Variants in AP3M1 observed in about 807,000 individuals in gnomAD.
The protein encoded by AP3M1 is AP-3 complex subunit mu-1.
In AP3M1, 29 loss-of-function variants were observed where a neutral mutation model predicts 42.6. The observed-to-expected ratio is 0.68, with a 90% CI of 0.51 to 0.93. AP3M1 has a LOEUF of 0.93. Among genes scored for constraint, AP3M1 ranks in the 40% least tolerant of loss-of-function variants. The probability of loss-of-function intolerance (pLI) is 0.00; values close to 1 mark genes in which losing one functional copy is unlikely to be tolerated. For missense variants in AP3M1, 416 were observed against 510.2 expected, an observed-to-expected ratio of 0.82 and a Z score of 1.78; for synonymous variants, 178 against 175.3, an observed-to-expected ratio of 1.02 and a Z score of -0.12.
chr10:74,120,916 T>C lies in AP3M1; in HGVS notation c.*2894A>G, dbSNP rs1840431838. On this transcript the variant is annotated 3_prime_UTR_variant, in exon 9 of 9. Transcript: ENST00000355264. ...AAAACAGAGTTAGCTTTTGGGGACA[T>C]AGTCCTCTTCTTCCTTAAAGAAACA... 6.6e-6 allele frequency: 1 copy of C among 152,228 alleles called. No homozygotes were observed. The highest frequency in any genetic ancestry group is 2.4e-5 in the African/African-American group (1 of 41,454). The allele number at this position is 152,228 out of a possible 1,614,324, so 9.4% of individuals were successfully genotyped here. A position where few individuals can be genotyped will look rare whatever the true frequency, so the allele number is the denominator to read the frequency against.
intron 1 of AP3M1, among the ~76,000 whole-genome samples, chr10:74,139,777 C>T (rs989380203): frequency 6.6e-5 from 10 of 151,984 alleles, no homozygotes; most frequent in Admixed American, 2.0e-4. Context: ...CGTGGTGGCA[C>T]GCACCTGTAG....
At chr10:74,139,977 C>T (rs1039067124) in intron 1 of AP3M1, among the ~76,000 whole-genome samples, 5 of 151,102 alleles carry the variant, frequency 3.3e-5, no homozygotes, top group Admixed American at 2.0e-4. Flanking sequence ...ATCCTAAATT[C>T]ATAAGGAATT....
rs1310977924 is a variant in AP3M1 at position 74,122,236 on chromosome 10, A to G, written c.*1574T>C. ...AAGGCAGGGCAGGCAAAGGTAAGAA[A>G]ACTGCTGAGTGGGCTCCTTGTACCA... On this transcript the variant is annotated 3_prime_UTR_variant, in exon 9 of 9. Transcript: ENST00000355264. 1 of 152,216 alleles carries G rather than the reference A, an allele frequency of 6.6e-6. No homozygotes were observed. Among genetic ancestry groups the G allele is most frequent in the Admixed American group, 6.5e-5 (1 of 15,270 alleles). The allele number at this position is 152,216 out of a possible 1,614,324, so 9.4% of individuals were successfully genotyped here. A position where few individuals can be genotyped will look rare whatever the true frequency, so the allele number is the denominator to read the frequency against.
chr10:74,123,707 T>A lies in AP3M1; in HGVS notation c.*103A>T. ...TTAGCGGTGTGTAGCTAGACACAAA[T>A]GCTTTAACTAGAATATGTATTCCCA... is the stretch of plus-strand genomic sequence containing the variant. On this transcript the variant is annotated 3_prime_UTR_variant, in exon 9 of 9. Coordinates refer to ENST00000355264, the MANE Select transcript of AP3M1 (RefSeq NM_012095.6). 1.1e-6 allele frequency: 1 copy of A among 869,892 alleles called. No homozygotes were observed. The highest frequency in any genetic ancestry group is 1.9e-6 in the Non-Finnish European group (1 of 522,168). The allele number at this position is 869,892 out of a possible 1,614,324, so 53.9% of individuals were successfully genotyped here. A position where few individuals can be genotyped will look rare whatever the true frequency, so the allele number is the denominator to read the frequency against.
chr10:74,150,409 C>A (rs986042696), intron 1 of AP3M1: 2 of 152,762 alleles, frequency 1.3e-5, no homozygotes, highest in African/African-American at 2.4e-5. Context: ...CACCCGCTAA[C>A]AGGACGTCTG....
At chr10:74,144,883 C>T (rs1427833811) in intron 1 of AP3M1, among the ~76,000 whole-genome samples, 7 of 151,932 alleles carry the variant, frequency 4.6e-5, no homozygotes, top group African/African-American at 1.5e-4. Context: ...AGGCTGGTCT[C>T]GAACTCCTGA....
chr10:74,128,286 G>T (rs114520989), intron 6 of AP3M1, among the ~76,000 whole-genome samples: 2,108 of 151,284 alleles, frequency 0.014, 54 homozygotes, highest in African/African-American at 0.048. Flanking sequence ...TGTTGGCCAG[G>T]CTGTAGTGCA....
At chr10:74,133,334 C>T (rs750004267) in intron 4 of AP3M1, among the ~76,000 whole-genome samples, 46 of 150,830 alleles carry the variant, frequency 3.0e-4, no homozygotes, top group Non-Finnish European at 4.9e-4. Flanking sequence ...GCGGAGGTTG[C>T]GGTGAGCTGA....
chr10:74,137,943 TGTGTGTAACTGTATACCACACAG>T (rs888191517), intron 2 of AP3M1, among the ~76,000 whole-genome samples, 141 bp downstream of exon 2: 42 of 152,186 alleles, frequency 2.8e-4, no homozygotes, highest in African/African-American at 9.9e-4. Flanking sequence ...AGAGCAGCCA[TGTGTGTAACTGTATACCACACAG>T]AAAAGGGCTT....
chr10:74,120,748 C>A lies in AP3M1; in HGVS notation c.*3062G>T, dbSNP rs1591726605. 3 of 152,310 alleles carry A rather than the reference C, an allele frequency of 2.0e-5. No individual in the cohort carries two copies. The highest frequency in any genetic ancestry group is 1.3e-4 in the Admixed American group (2 of 15,276). 9.4% of individuals were successfully genotyped at this position (152,310 alleles called of 1,614,324 possible). ...GGCCAGGCTGGTCTCGAACTCCTGA[C>A]CTCAAGTGATCCGCCCACCTTGACC... On this transcript the variant is annotated 3_prime_UTR_variant, in exon 9 of 9. Transcript: ENST00000355264.
Position 74,122,805 on chromosome 10 carries a change from A to G in AP3M1, c.*1005T>C, listed in dbSNP as rs995035117. Reference sequence around the variant, plus strand: ...ATTCAAACCCTTAAGAACAACAACAAAAAAGATTTAAAAAGACTGATGACT... The same window carrying G: ...ATTCAAACCCTTAAGAACAACAACAGAAAAGATTTAAAAAGACTGATGACT... On this transcript the variant is annotated 3_prime_UTR_variant, in exon 9 of 9. Coordinates refer to ENST00000355264, the MANE Select transcript of AP3M1 (RefSeq NM_012095.6). 1 of 152,218 alleles carries G rather than the reference A, an allele frequency of 6.6e-6. No individual in the cohort carries two copies. Among genetic ancestry groups the G allele is most frequent in the Non-Finnish European group, 1.5e-5 (1 of 68,042 alleles). 9.4% of individuals were successfully genotyped at this position (152,218 alleles called of 1,614,324 possible).
At chr10:74,147,073 G>A (rs1445960309) in intron 1 of AP3M1, among the ~76,000 whole-genome samples, 2 of 151,948 alleles carry the variant, frequency 1.3e-5, no homozygotes, top group East Asian at 3.9e-4. Context: ...ACCTGAGCTC[G>A]GGAGTTCGAG....
At chr10:74,141,866 C>A (rs550882688) in intron 1 of AP3M1, among the ~76,000 whole-genome samples, 6 of 143,896 alleles carry the variant, frequency 4.2e-5, no homozygotes, top group African/African-American at 1.5e-4. Flanking sequence ...GCACACACCG[C>A]CACACCTGGC....
At chr10:74,134,668 G>C (rs1475650018) in intron 3 of AP3M1, among the ~76,000 whole-genome samples, 1 of 152,170 alleles carries the variant, frequency 6.6e-6, no homozygotes, top group Admixed American at 6.5e-5. Flanking sequence ...AATATAGCTA[G>C]TATTCAGTAT....
At chr10:74,131,457 G>A (rs1290670102) in intron 4 of AP3M1, among the ~76,000 whole-genome samples, 7 of 152,146 alleles carry the variant, frequency 4.6e-5, no homozygotes, top group East Asian at 1.9e-4. Flanking sequence ...GTGAGCCACC[G>A]CGCCCGGCTT....
chr10:74,149,995 T>C (rs1264216974), intron 1 of AP3M1, among the ~76,000 whole-genome samples: 2 of 152,358 alleles, frequency 1.3e-5, no homozygotes, highest in Non-Finnish European at 2.9e-5. Context: ...CTCTGACCAT[T>C]GCAGCATTTT....
chr10:74,133,394 CAAA>C (rs112024001), intron 4 of AP3M1, among the ~76,000 whole-genome samples: 1 of 117,784 alleles, frequency 8.5e-6, no homozygotes, highest in Admixed American at 8.7e-5. Flanking sequence ...AACTGCGTCT[CAAA>C]AAAAAAAAAA....
At chr10:74,133,504 T>C (rs962476777) in intron 4 of AP3M1, among the ~76,000 whole-genome samples, 10 of 151,926 alleles carry the variant, frequency 6.6e-5, no homozygotes, top group African/African-American at 2.4e-4. Context: ...AAGGTTCCAG[T>C]GAGCCAAGAT....
intron 1 of AP3M1, among the ~76,000 whole-genome samples, chr10:74,144,372 C>G (rs1272473988): frequency 6.6e-6 from 1 of 151,962 alleles, no homozygotes. Context: ...CCAAGCGATC[C>G]TCCCACTTCA....
Sources: gnomAD v4.1 joint callset for allele counts (sites outside exome capture counted in the v4.1 genomes callset) on GRCh38, gnomAD v4.1.1 for gene constraint, MANE v1.5 for transcripts, NCBI Gene and HGNC (gene_info 2026-07-23, HGNC 2026-07-21) for gene names.